Variants in PCDHGA2 observed in about 807,000 individuals in gnomAD.
PCDHGA2 encodes protocadherin gamma-A2.
A neutral mutation model predicts 59.2 loss-of-function variants in PCDHGA2; 40 were observed. That is an observed-to-expected ratio of 0.68 (90% CI 0.52 to 0.88). The LOEUF is 0.88. PCDHGA2 is among the 40% of genes least tolerant of loss of function. The pLI is 0.00. For synonymous variants in PCDHGA2, 560 were observed against 526.0 expected, an observed-to-expected ratio of 1.06 and a Z score of -0.89; for missense variants, 1,226 against 1,204.0, an observed-to-expected ratio of 1.02 and a Z score of -0.27.
chr5:141,470,565 A>T (rs2099233471), intron 1 of PCDHGA2, among the ~76,000 whole-genome samples: 1 of 152,172 alleles, frequency 6.6e-6, no homozygotes, highest in African/African-American at 2.4e-5. Context: ...CCTCTGTGCC[A>T]AGCAGGATCA....
chr5:141,489,300 C>G lies in PCDHGA2; in HGVS notation c.2425-5507C>G. The G allele has an allele frequency of 6.3e-7, 1 of 1,585,700 alleles. No individual in the cohort carries two copies. The highest frequency in any genetic ancestry group is 1.2e-5 in the South Asian group (1 of 85,012). Reference sequence around the variant, plus strand: ...AATGGCAAGTGCTGTGCATGTTGTCCTTGTGCTGCTGGGGCTGGGTGTCTG... The same window carrying G: ...AATGGCAAGTGCTGTGCATGTTGTCGTTGTGCTGCTGGGGCTGGGTGTCTG... On this transcript the variant is annotated intron_variant, in intron 1 of 3. Coordinates refer to ENST00000394576, the MANE Select transcript of PCDHGA2 (RefSeq NM_018915.4). This position sits in a 1 kb window ranked among gnomAD's most constrained non-coding sequence, Gnocchi z 4.5.
At chr5:141,410,084 A>G in intron 1 of PCDHGA2, 3 of 1,612,532 alleles carry the variant, frequency 1.9e-6, no homozygotes, top group Non-Finnish European at 2.5e-6. Context: ...GGAGGTGCGC[A>G]CGGCTCGAGC....
At chr5:141,356,349 A>G in intron 1 of PCDHGA2, 2 of 1,555,872 alleles carry the variant, frequency 1.3e-6, no homozygotes, top group Non-Finnish European at 1.7e-6. Context: ...GCCTAGTCAC[A>G]TGTTCTATTC....
At chr5:141,408,177 G>C (rs1359754385) in intron 1 of PCDHGA2, 3 of 1,534,464 alleles carry the variant, frequency 2.0e-6, no homozygotes, top group Non-Finnish European at 2.6e-6. Context: ...GGAAAAGCGG[G>C]GACCCAGCGA....
rs73280911 is a variant in PCDHGA2, at chr5:141,446,356, A to C, written c.2425-48451A>C. Among the ~76,000 whole-genome samples the C allele has an allele frequency of 2.0e-5, 3 of 152,188 alleles. No individual in the cohort carries two copies. In the South Asian group the frequency reaches 6.2e-4, roughly 31 times the overall value. On this transcript the variant is annotated intron_variant, in intron 1 of 3. Transcript: ENST00000394576. ...ACTGGATGGACAAAGCTACCATTTGATGAGAATGGAAGACTAAAGAATGAT... is the reference window on the plus strand; with the variant it reads ...ACTGGATGGACAAAGCTACCATTTGCTGAGAATGGAAGACTAAAGAATGAT...
At chr5:141,410,888 C>G in intron 1 of PCDHGA2, 1 of 290,774 alleles carries the variant, frequency 3.4e-6, no homozygotes, top group Non-Finnish European at 5.6e-6. Flanking sequence ...GAGTCTCGCA[C>G]TGTTGCCTAG....
At chr5:141,365,046 C>T (rs753242901) in intron 1 of PCDHGA2, 1 of 1,613,884 alleles carries the variant, frequency 6.2e-7, no homozygotes, top group South Asian at 1.1e-5. Context: ...AACGACAATG[C>T]GCCCCTGTTC....
At chr5:141,448,924 G>A (rs1244728418) in intron 1 of PCDHGA2, among the ~76,000 whole-genome samples, 1 of 152,116 alleles carries the variant, frequency 6.6e-6, no homozygotes, top group East Asian at 1.9e-4. Flanking sequence ...CAGCCTGGGC[G>A]ACAGAGCAAG....
intron 2 of PCDHGA2, among the ~76,000 whole-genome samples, chr5:141,504,802 C>G (rs370355030): frequency 6.6e-6 from 1 of 152,030 alleles, no homozygotes; most frequent in East Asian, 1.9e-4. Context: ...ACATCTCCCC[C>G]TAGGTACCTC....
At chr5:141,424,960 C>T (rs1291822416) in intron 1 of PCDHGA2, among the ~76,000 whole-genome samples, 1 of 152,102 alleles carries the variant, frequency 6.6e-6, no homozygotes, top group African/African-American at 2.4e-5. Context: ...AGGTATTTGC[C>T]CCAAATTACT....
intron 1 of PCDHGA2, chr5:141,394,313 C>G: frequency 6.2e-7 from 1 of 1,614,022 alleles, no homozygotes; most frequent in Non-Finnish European, 8.5e-7. Flanking sequence ...AGGGGGCGCC[C>G]CTGTCCTCGT....
At chr5:141,357,171 C>G (rs1043830490) in intron 1 of PCDHGA2, 1 of 1,613,704 alleles carries the variant, frequency 6.2e-7, no homozygotes, top group East Asian at 2.2e-5. Flanking sequence ...TCTCGGCCAC[C>G]GTCACACTCA....
At chr5:141,421,387 G>A in intron 1 of PCDHGA2, 3 of 1,614,054 alleles carry the variant, frequency 1.9e-6, no homozygotes, top group Non-Finnish European at 2.5e-6. Context: ...CAAGGACCTG[G>A]GGCTGGAGCC....
chr5:141,398,237 T>G, intron 1 of PCDHGA2: 1 of 1,479,534 alleles, frequency 6.8e-7, no homozygotes, highest in Non-Finnish European at 9.2e-7. Context: ...CGCTACAGGA[T>G]TCCCGAGGAA....
intron 1 of PCDHGA2, chr5:141,394,020 A>G (rs1311759353): frequency 6.2e-7 from 1 of 1,613,426 alleles, no homozygotes; most frequent in African/African-American, 1.3e-5. Context: ...TAATTATTAT[A>G]GATTAGTGAC....
At chr5:141,378,443 A>C (rs1022226439) in intron 1 of PCDHGA2, 2 of 152,300 alleles carry the variant, frequency 1.3e-5, no homozygotes, top group Non-Finnish European at 2.9e-5. Context: ...GAATCGCTTG[A>C]ACCCATGAGG....
chr5:141,375,347 G>A, intron 1 of PCDHGA2: 2 of 1,613,852 alleles, frequency 1.2e-6, no homozygotes, highest in South Asian at 2.2e-5. Flanking sequence ...CAACATCACT[G>A]TGACAGCCAC....
chr5:141,468,180 C>T (rs1053758210), intron 1 of PCDHGA2, among the ~76,000 whole-genome samples: 4 of 151,744 alleles, frequency 2.6e-5, no homozygotes, highest in Non-Finnish European at 5.9e-5. Context: ...GAAAAATTTG[C>T]TGGGCATGGT....
At chr5:141,374,852 G>C in intron 1 of PCDHGA2, 1 of 1,613,798 alleles carries the variant, frequency 6.2e-7, no homozygotes, top group Middle Eastern at 1.6e-4. Context: ...AAACCTGCCA[G>C]TAGGCACACC....
Sources: gnomAD v4.1 joint callset for allele counts (sites outside exome capture counted in the v4.1 genomes callset) on GRCh38, gnomAD v4.1.1 for gene constraint, Gnocchi (gnomAD v3.1) non-coding constraint, MANE v1.5 for transcripts, NCBI Gene and HGNC (gene_info 2026-07-23, HGNC 2026-07-21) for gene names.